The following SLC24A2 variants were observed in gnomAD, a reference collection of about 807,000 sequenced individuals.
The protein encoded by SLC24A2 is solute carrier family 24 member 2.
In SLC24A2, 36 loss-of-function variants were observed where a neutral mutation model predicts 62.0. That is an observed-to-expected ratio of 0.58 (90% CI 0.44 to 0.77). The LOEUF (loss-of-function observed/expected upper bound fraction) is 0.77, where lower values mean the gene tolerates loss of function less well. SLC24A2 is among the 30% of genes least tolerant of loss of function. The pLI is 0.00. For synonymous variants in SLC24A2, 358 were observed against 294.0 expected, an observed-to-expected ratio of 1.22 and a Z score of -2.23; for missense variants, 846 against 817.9, an observed-to-expected ratio of 1.03 and a Z score of -0.42.
At chr9:19,865,068 A>C in the SLC24A2 span, among the ~76,000 whole-genome samples, 1 of 152,108 alleles carries the variant, frequency 6.6e-6, no homozygotes, top group African/African-American at 2.4e-5. Context: ...AAATTTAAAA[A>C]GTAGTCCCAT....
the SLC24A2 span, among the ~76,000 whole-genome samples, chr9:19,853,906 T>C: frequency 1.3e-5 from 2 of 152,224 alleles, no homozygotes; most frequent in Non-Finnish European, 1.5e-5. Context: ...GTACTTCTTA[T>C]AGAATTCAGC....
chr9:19,960,605 G>A, the SLC24A2 span, among the ~76,000 whole-genome samples: 1 of 152,164 alleles, frequency 6.6e-6, no homozygotes, highest in African/African-American at 2.4e-5. Flanking sequence ...GGGATGCTGA[G>A]AAGAGTGAGC....
At chr9:19,832,019 T>A in the SLC24A2 span, among the ~76,000 whole-genome samples, 1 of 152,212 alleles carries the variant, frequency 6.6e-6, no homozygotes, top group South Asian at 2.1e-4. Context: ...TTTTGTTGTT[T>A]GTTGTGAAGT....
intron 6 of SLC24A2, among the ~76,000 whole-genome samples, chr9:19,573,979 T>C (rs1265364166): frequency 1.3e-5 from 2 of 152,216 alleles, no homozygotes; most frequent in African/African-American, 4.8e-5. Context: ...GAAAGGATAT[T>C]AGCTAGGGCT....
At chr9:19,769,651 T>A (rs531082750) in intron 2 of SLC24A2, among the ~76,000 whole-genome samples, 3 of 152,312 alleles carry the variant, frequency 2.0e-5, no homozygotes, top group African/African-American at 7.2e-5. Context: ...GTGTTACCAA[T>A]GTAATCAGCA....
chr9:19,718,464 T>C (rs900114332), intron 2 of SLC24A2, among the ~76,000 whole-genome samples: 5 of 36,484 alleles, frequency 1.4e-4, no homozygotes, highest in African/African-American at 3.5e-4. Flanking sequence ...GGCTATTTTT[T>C]TTTTTTTTTT....
chr9:19,927,505 T>A, the SLC24A2 span: 1 of 152,212 alleles, frequency 6.6e-6, no homozygotes, highest in African/African-American at 2.4e-5. Context: ...AGAATTGACA[T>A]CTTAGTCATA....
At chr9:19,533,927 A>G (rs1186973385) in intron 8 of SLC24A2, among the ~76,000 whole-genome samples, 1 of 152,218 alleles carries the variant, frequency 6.6e-6, no homozygotes, top group Non-Finnish European at 1.5e-5. Context: ...ACACCCATAT[A>G]TCTTCCAAAC....
chr9:19,595,746 C>T (rs926050810), intron 5 of SLC24A2, among the ~76,000 whole-genome samples: 8 of 151,946 alleles, frequency 5.3e-5, no homozygotes, highest in African/African-American at 1.2e-4. Flanking sequence ...AACAAAAGTA[C>T]GTAGGAGGTA....
the SLC24A2 span, among the ~76,000 whole-genome samples, chr9:19,836,144 C>A: frequency 6.6e-6 from 1 of 151,960 alleles, no homozygotes; most frequent in African/African-American, 2.4e-5. Context: ...AAAATTGACA[C>A]CCTAACATCA....
At chr9:19,915,184 A>G in the SLC24A2 span, among the ~76,000 whole-genome samples, 1 of 152,118 alleles carries the variant, frequency 6.6e-6, no homozygotes, top group Non-Finnish European at 1.5e-5. Flanking sequence ...GTTATATAAT[A>G]TGTGACCCTT....
the SLC24A2 span, among the ~76,000 whole-genome samples, chr9:20,103,820 T>A: frequency 2.0e-5 from 3 of 151,872 alleles, no homozygotes; most frequent in Non-Finnish European, 4.4e-5. Context: ...ACGCAGTTCC[T>A]CACCAGCAAC....
the SLC24A2 span, among the ~76,000 whole-genome samples, chr9:20,027,612 G>A: frequency 6.6e-6 from 1 of 152,186 alleles, no homozygotes; most frequent in Non-Finnish European, 1.5e-5. Context: ...TCTCATAGAA[G>A]TAGAGAGCAG....
the SLC24A2 span, among the ~76,000 whole-genome samples, chr9:19,885,830 A>G: frequency 1.3e-5 from 2 of 152,134 alleles, no homozygotes; most frequent in Admixed American, 6.5e-5. Flanking sequence ...GGTTCCATTT[A>G]TAAGTGAGAA....
the SLC24A2 span, among the ~76,000 whole-genome samples, chr9:20,032,803 G>A: frequency 9.8e-5 from 15 of 152,316 alleles, no homozygotes; most frequent in African/African-American, 3.1e-4. Context: ...CCAACCCAGG[G>A]AGGAGTGGGG....
At chr9:19,882,633 CT>C in the SLC24A2 span, among the ~76,000 whole-genome samples, 2 of 150,376 alleles carry the variant, frequency 1.3e-5, no homozygotes, top group Non-Finnish European at 2.9e-5. Context: ...GATTTGGTCC[CT>C]CTGCAAAAGC....
chr9:19,569,495 A>G lies in SLC24A2; in HGVS notation c.1347+3856T>C, dbSNP rs368604445. On this transcript the variant is annotated intron_variant, in intron 7 of 10. Coordinates refer to ENST00000341998, the MANE Select transcript of SLC24A2 (RefSeq NM_020344.4). ...GTCCAGACTGGTTGGCAGTGCGCAC[A>G]ATGTCCTTCATGATCCACATACTTC... Among the ~76,000 whole-genome samples, 84 of 152,148 alleles carry G rather than the reference A, an allele frequency of 5.5e-4. 1 individual carries two copies. The highest frequency in any genetic ancestry group is 4.5e-3 in the East Asian group (23 of 5,114).
At chr9:20,056,746 T>A in the SLC24A2 span, among the ~76,000 whole-genome samples, 1 of 152,320 alleles carries the variant, frequency 6.6e-6, no homozygotes, top group African/African-American at 2.4e-5. Flanking sequence ...CTTGATTGCA[T>A]GGCATCAAGA....
At chr9:19,737,585 T>C (rs749047962) in intron 2 of SLC24A2, among the ~76,000 whole-genome samples, 1 of 152,008 alleles carries the variant, frequency 6.6e-6, no homozygotes, top group Non-Finnish European at 1.5e-5. Flanking sequence ...AAAAATAAAA[T>C]GCAATTGCAT....
Sources: gnomAD v4.1 joint callset for allele counts (sites outside exome capture counted in the v4.1 genomes callset) on GRCh38, gnomAD v4.1.1 for gene constraint, MANE v1.5 for transcripts, NCBI Gene and HGNC (gene_info 2026-07-23, HGNC 2026-07-21) for gene names.